JAKMIP3: variants seen among roughly 807,000 people sequenced by gnomAD.
JAKMIP3 encodes the protein janus kinase and microtubule-interacting protein 3.
Under a neutral mutation model 118.5 loss-of-function variants are expected in JAKMIP3, and 58 were observed. The ratio of observed to expected loss-of-function variants is 0.49; its 90% CI spans 0.40 to 0.61. The LOEUF (loss-of-function observed/expected upper bound fraction) is 0.61. Among genes scored for constraint, JAKMIP3 ranks in the 20% least tolerant of loss-of-function variants. JAKMIP3 has a pLI of 0.00. For missense variants in JAKMIP3, 950 were observed against 1,109.0 expected (o/e 0.86, Z 2.04); for synonymous variants, 486 against 451.2 (o/e 1.08, Z -0.98).
At chr10:132,093,266 T>A (rs2043340516) in intron 1 of JAKMIP3, among the ~76,000 whole-genome samples, 1 of 152,198 alleles carries the variant, frequency 6.6e-6, no homozygotes, top group South Asian at 2.1e-4. Context: ...TCAAACTCCA[T>A]GCTGGGAGAA....
upstream of JAKMIP3, among the ~76,000 whole-genome samples, chr10:132,063,207 C>T (rs1439870557): frequency 5.3e-5 from 8 of 152,162 alleles, no homozygotes; most frequent in East Asian, 3.9e-4. Flanking sequence ...ACTTGGGCCT[C>T]GTGGTGCCTG....
At chr10:132,122,683 A>G (rs1014008018) in intron 3 of JAKMIP3, among the ~76,000 whole-genome samples, 2 of 152,162 alleles carry the variant, frequency 1.3e-5, no homozygotes, top group African/African-American at 2.4e-5. Context: ...AGAGGCCTGC[A>G]GGGTGGGGAT....
Position 132,043,728 on chromosome 10 carries a change from C to T in JAKMIP3, c.-138+6990C>T, listed in dbSNP as rs376026070. 6.5e-3 allele frequency among the ~76,000 whole-genome samples: 993 copies of T among 152,188 alleles called. 7 individuals are homozygous for T. Among genetic ancestry groups the T allele is most frequent in the South Asian group, 0.017 (82 of 4,822 alleles). On this transcript the variant is annotated intron_variant, in intron 1 of 23. Transcript: ENST00000657785. ...GCATGACGAGGAGGGCTGGGGGGAG[C>T]GGGGCCCTTTCCAGCCCTGGCTCTT...
intron 16 of JAKMIP3, among the ~76,000 whole-genome samples, chr10:132,150,801 T>C (rs117156990): frequency 0.02 from 2,945 of 147,754 alleles, 37 homozygotes; most frequent in Middle Eastern, 0.038. Context: ...CATTTATCCA[T>C]CCTCCATAAT....
At chr10:132,138,045 G>T in intron 8 of JAKMIP3, 74 bp from the exon 9 acceptor site, 2 of 1,360,638 alleles carry the variant, frequency 1.5e-6, no homozygotes, top group South Asian at 1.2e-5. Flanking sequence ...GATGGCACAC[G>T]GGCAGTAAAC....
chr10:132,170,546 G>A lies in JAKMIP3; in HGVS notation c.*1103+1513G>A, dbSNP rs1427478222. 2.6e-5 allele frequency among the ~76,000 whole-genome samples: 4 copies of A among 152,180 alleles called. No individual in the cohort carries two copies. In the South Asian group the frequency reaches 6.2e-4, roughly 24 times the overall value. ...AGCAAGGCCCCCCACAGCTGCCCTC[G>A]GTGACATCTGGGACTTGGACATCCA... On this transcript the variant is annotated intron_variant, in intron 23 of 23. Transcript: ENST00000684848.
At chr10:132,036,707 A>ACGCCGCCCAGAGTCGCT (rs1236496961) in exon 1 of JAKMIP3, among the ~76,000 whole-genome samples, 2 of 150,522 alleles carry the variant, frequency 1.3e-5, no homozygotes, top group African/African-American at 4.9e-5. Flanking sequence ...GGTCCGTCGG[A>ACGCCGCCCAGAGTCGCT]CGCCGCCCAG....
At chr10:132,041,893 T>G (rs1440387023) in intron 1 of JAKMIP3, among the ~76,000 whole-genome samples, 1 of 151,854 alleles carries the variant, frequency 6.6e-6, no homozygotes, top group Non-Finnish European at 1.5e-5. Flanking sequence ...TGAGAAAAAG[T>G]TTTGCTCTTG....
intron 1 of JAKMIP3, among the ~76,000 whole-genome samples, chr10:132,084,395 G>A (rs1469231340): frequency 6.6e-6 from 1 of 152,192 alleles, no homozygotes; most frequent in East Asian, 1.9e-4. Flanking sequence ...TTTGTATCCG[G>A]AAACTTTGTT....
chr10:132,081,436 G>GA (rs1258186979), intron 1 of JAKMIP3, among the ~76,000 whole-genome samples: 1 of 152,172 alleles, frequency 6.6e-6, no homozygotes, highest in Non-Finnish European at 1.5e-5. Context: ...GCACTATTGA[G>GA]AAAAAAGACT....
At chr10:132,098,781 T>C (rs1306209829) in intron 1 of JAKMIP3, among the ~76,000 whole-genome samples, 1 of 152,146 alleles carries the variant, frequency 6.6e-6, no homozygotes, top group African/African-American at 2.4e-5. Context: ...AGGGGGCTCT[T>C]TACCACAGCG....
chr10:132,126,770 TGATGA>T (rs1263941105), intron 3 of JAKMIP3, among the ~76,000 whole-genome samples: 1 of 152,240 alleles, frequency 6.6e-6, no homozygotes, highest in African/African-American at 2.4e-5. Context: ...TTTATTCTGT[TGATGA>T]GATGACACGT....
At chr10:132,081,881 A>G (rs1033326999) in intron 1 of JAKMIP3, among the ~76,000 whole-genome samples, 1 of 150,914 alleles carries the variant, frequency 6.6e-6, no homozygotes, top group Admixed American at 6.6e-5. Context: ...GTCTTTTTAA[A>G]TCTCCATGTC....
chr10:132,093,748 C>T (rs1047217573), intron 1 of JAKMIP3, among the ~76,000 whole-genome samples: 1 of 152,094 alleles, frequency 6.6e-6, no homozygotes, highest in African/African-American at 2.4e-5. Flanking sequence ...ACTGTCCTGC[C>T]CCCACTGTCC....
At chr10:132,078,625 G>C (rs12761392) in intron 1 of JAKMIP3, among the ~76,000 whole-genome samples, 35,701 of 139,944 alleles carry the variant, frequency 0.26, 4,070 homozygotes, top group East Asian at 0.41. Context: ...GGGGCGGGGG[G>C]GGGGGGGGGT....
At chr10:132,079,701 A>G (rs9419350) in intron 1 of JAKMIP3, among the ~76,000 whole-genome samples, 30,475 of 152,136 alleles carry the variant, frequency 0.2, 3,680 homozygotes, top group East Asian at 0.45. Context: ...GAACTTTCTC[A>G]TCTTGTAAAA....
At chr10:132,135,282 CGTCG>C in intron 5 of JAKMIP3, 122 bp downstream of exon 5, 1 of 980,614 alleles carries the variant, frequency 1.0e-6, no homozygotes, top group Non-Finnish European at 1.5e-6. Context: ...ACCGGCCTTG[CGTCG>C]AAGTCTCCTG....
intron 1 of JAKMIP3, among the ~76,000 whole-genome samples, chr10:132,092,963 C>T (rs1412852851): frequency 1.3e-5 from 2 of 152,274 alleles, no homozygotes; most frequent in Non-Finnish European, 2.9e-5. Context: ...GATGTCCTTT[C>T]TGTTTGTTAG....
chr10:132,149,357 C>T, intron 14 of JAKMIP3, 55 bp from the exon 15 acceptor site: 1 of 1,224,580 alleles, frequency 8.2e-7, no homozygotes, highest in Non-Finnish European at 1.2e-6. Context: ...GCACAGTCCT[C>T]TTAGAGGGAA....
Sources: gnomAD v4.1 joint callset for allele counts (sites outside exome capture counted in the v4.1 genomes callset) on GRCh38, gnomAD v4.1.1 for gene constraint, MANE v1.5 for transcripts, NCBI Gene and HGNC (gene_info 2026-07-23, HGNC 2026-07-21) for gene names.